Variants in PLXNC1 observed in about 807,000 individuals in gnomAD.
PLXNC1 encodes plexin C1.
PLXNC1 carries 75 observed loss-of-function variants against 178.2 expected under a neutral mutation model. That is an observed-to-expected ratio of 0.42 (90% CI 0.35 to 0.51). The LOEUF (loss-of-function observed/expected upper bound fraction) is 0.51, where lower values mean the gene tolerates loss of function less well. Among genes scored for constraint, PLXNC1 ranks in the 20% least tolerant of loss-of-function variants. The pLI, the probability that PLXNC1 is intolerant of heterozygous loss-of-function variation, is 0.02. For synonymous variants in PLXNC1, 790 were observed against 779.9 expected, an observed-to-expected ratio of 1.01 and a Z score of -0.22; for missense variants, 1,503 against 1,984.4, an observed-to-expected ratio of 0.76 and a Z score of 4.61.
chr12:94,233,200 G>A (rs117249712), intron 9 of PLXNC1, among the ~76,000 whole-genome samples: 3,932 of 152,258 alleles, frequency 0.026, 85 homozygotes, highest in Non-Finnish European at 0.026. Flanking sequence ...ACCCAGACAC[G>A]GCTGGGCATC....
chr12:94,298,744 A>G lies in PLXNC1; in HGVS notation c.4187A>G (p.Glu1396Gly). The G allele has an allele frequency of 6.2e-7, 1 of 1,613,444 alleles. No homozygotes were observed. The highest frequency in any genetic ancestry group is 8.5e-7 in the Non-Finnish European group (1 of 1,179,852). ...TTTGACTTTTTGGACGCCCAGGCTG[A>G]AAACAAAAAAATCACAGATCCTGAC... The part of the protein sequence containing the change: ...YFFDFLDAQA[E>G]NKKITDPDVV... Residue 1396 changes from glutamate to glycine, a missense_variant, in exon 27 of 31, where the codon GAA becomes GGA. This residue lies in a region of PLXNC1 where 639 missense variants were observed against 979.7 expected (regional missense o/e 0.65). Transcript: ENST00000258526.
At chr12:94,263,401 C>T (rs1431866991) in intron 20 of PLXNC1, among the ~76,000 whole-genome samples, 1 of 152,084 alleles carries the variant, frequency 6.6e-6, no homozygotes, top group East Asian at 1.9e-4. Context: ...TTACTTAGCT[C>T]AGTCTAGCTA....
At chr12:94,266,363 C>G (rs1411036693) in intron 21 of PLXNC1, among the ~76,000 whole-genome samples, 1 of 152,180 alleles carries the variant, frequency 6.6e-6, no homozygotes, top group Non-Finnish European at 1.5e-5. Context: ...GTCAACACTT[C>G]TCAGCGTTCT....
rs1191812745 is a variant in PLXNC1 at position 94,179,410 on chromosome 12, A to G, written c.1204-2036A>G. ...GTAGTGGGTACAAATTGTGTTAGGTACAAAGAAGATTAAAGGTTAGGTACA... is the reference window on the plus strand; with the variant it reads ...GTAGTGGGTACAAATTGTGTTAGGTGCAAAGAAGATTAAAGGTTAGGTACA... On this transcript the variant is annotated intron_variant, in intron 2 of 30. Transcript: ENST00000258526. Among the ~76,000 whole-genome samples, 3 of 152,182 alleles carry G rather than the reference A, an allele frequency of 2.0e-5. No homozygotes were observed. In the East Asian group the frequency reaches 5.8e-4, roughly 29 times the overall value.
chr12:94,260,326 G>A lies in PLXNC1; in HGVS notation c.3252-316G>A, dbSNP rs1226358201. ...GCCTGCTTTAGACTCCTAAAGTGCT[G>A]GGATTATAGGCGTGAACCACCATGC... On this transcript the variant is annotated intron_variant, in intron 19 of 30. Transcript: ENST00000258526. This position sits in a 1 kb window ranked among gnomAD's most constrained non-coding sequence, Gnocchi z 4.4. 6.6e-6 allele frequency among the ~76,000 whole-genome samples: 1 copy of A among 152,004 alleles called. No individual in the cohort carries two copies. The highest frequency in any genetic ancestry group is 1.5e-5 in the Non-Finnish European group (1 of 68,008).
intron 20 of PLXNC1, among the ~76,000 whole-genome samples, chr12:94,264,676 TGTC>T (rs1235631890): frequency 6.6e-6 from 1 of 152,260 alleles, no homozygotes; most frequent in Non-Finnish European, 1.5e-5. Context: ...TTTTTTTAAA[TGTC>T]GTTTATTTCT....
intron 1 of PLXNC1, among the ~76,000 whole-genome samples, chr12:94,164,575 G>A (rs1961520095): frequency 6.6e-6 from 1 of 152,104 alleles, no homozygotes; most frequent in African/African-American, 2.4e-5. Flanking sequence ...GGCACAATGG[G>A]AGAGTATTTA....
intron 4 of PLXNC1, among the ~76,000 whole-genome samples, chr12:94,189,078 T>C (rs977187338): frequency 1.3e-5 from 2 of 152,220 alleles, no homozygotes; most frequent in African/African-American, 4.8e-5. Context: ...TTGATGGTCC[T>C]GTGTTTGAAG....
At chr12:94,286,353 T>C (rs956546871) in intron 23 of PLXNC1, among the ~76,000 whole-genome samples, 1 of 152,156 alleles carries the variant, frequency 6.6e-6, no homozygotes, top group Non-Finnish European at 1.5e-5. Context: ...TCAAAAGCCC[T>C]GTTTTTTAAA....
At position 94,159,191 on chromosome 12, in the gene PLXNC1, A is replaced by G. The variant is rs542579558; in HGVS notation, c.1062+9158A>G. 1.0e-3 allele frequency among the ~76,000 whole-genome samples: 159 copies of G among 152,368 alleles called. 4 individuals carry two copies. The South Asian group carries it at 0.027, about 26-fold the overall frequency. On this transcript the variant is annotated intron_variant, in intron 1 of 30. Coordinates refer to ENST00000258526, the MANE Select transcript of PLXNC1 (RefSeq NM_005761.3). ...TTGGCAAATTAATAGTTACTTTTAC[A>G]TTAAGATGATAGCTAAAATTTACAG...
At chr12:94,275,909 A>C (rs968747634) in intron 21 of PLXNC1, among the ~76,000 whole-genome samples, 33 of 149,000 alleles carry the variant, frequency 2.2e-4, no homozygotes, top group African/African-American at 7.1e-4. Context: ...ACTAAGTGTT[A>C]GCAGCATGAA....
At chr12:94,172,969 G>A (rs1279210191) in intron 2 of PLXNC1, among the ~76,000 whole-genome samples, 1 of 152,084 alleles carries the variant, frequency 6.6e-6, no homozygotes, top group Non-Finnish European at 1.5e-5. Context: ...AGAGCTCAAA[G>A]GGTCCTTTGA....
chr12:94,185,703 G>A (rs925166355), intron 3 of PLXNC1, among the ~76,000 whole-genome samples: 2 of 152,226 alleles, frequency 1.3e-5, no homozygotes, highest in African/African-American at 2.4e-5. Context: ...AGGTGACGGC[G>A]CTGCCCCTGG....
At position 94,290,629 on chromosome 12, in the gene PLXNC1, C is replaced by T. The variant is rs543059966; in HGVS notation, c.3880-3857C>T. Among the ~76,000 whole-genome samples, 3 of 152,356 alleles carry T rather than the reference C, an allele frequency of 2.0e-5. No individual in the cohort carries two copies. The South Asian group carries it at 6.2e-4, about 32-fold the overall frequency. ...AGGACCTCTTGAGGGCTGGCTCTTGCTCTGTGTTCCTCCCTGTGGGTGTAA... is the reference window on the plus strand; with the variant it reads ...AGGACCTCTTGAGGGCTGGCTCTTGTTCTGTGTTCCTCCCTGTGGGTGTAA... On this transcript the variant is annotated intron_variant, in intron 23 of 30. Transcript: ENST00000258526.
At chr12:94,274,323 A>G in intron 21 of PLXNC1, among the ~76,000 whole-genome samples, 1 of 151,954 alleles carries the variant, frequency 6.6e-6, no homozygotes, top group East Asian at 1.9e-4. Flanking sequence ...ACAGAGTGAG[A>G]CCCTGTCTAT....
rs371143671 is a variant in PLXNC1 at position 94,220,028 on chromosome 12, A to G, written c.1567A>G (p.Met523Val). 84 of 1,613,696 alleles carry G rather than the reference A, an allele frequency of 5.2e-5. 1 individual carries two copies. Among genetic ancestry groups the G allele is most frequent in the Middle Eastern group, 1.6e-4 (1 of 6,082 alleles). Reference protein sequence around the residue: ...RSSKEKTTVTMVGSFSPRHSK... With the variant: ...RSSKEKTTVTVVGSFSPRHSK... ...CTTCCCCGCACAGACTACAGTGACT[A>G]TGGTGGGAAGCTTCTCTCCAAGACA... Residue 523 changes from methionine to valine, a missense_variant, in exon 6 of 31, where the codon ATG (methionine) becomes GTG (valine). By Grantham distance (21) the Met-to-Val change is conservative. Coordinates refer to ENST00000258526, the MANE Select transcript of PLXNC1 (RefSeq NM_005761.3).
chr12:94,235,707 A>G (rs1964221562), intron 9 of PLXNC1, among the ~76,000 whole-genome samples: 1 of 152,228 alleles, frequency 6.6e-6, no homozygotes. Flanking sequence ...GCAGTGCAAC[A>G]GCAGCCAGAG....
intron 12 of PLXNC1, among the ~76,000 whole-genome samples, chr12:94,246,004 G>A (rs1964518741): frequency 6.6e-6 from 1 of 152,222 alleles, no homozygotes; most frequent in African/African-American, 2.4e-5. Context: ...TGGGAAAAGA[G>A]ACTATGCAGA....
chr12:94,251,852 C>T (rs981292272), intron 15 of PLXNC1, among the ~76,000 whole-genome samples: 1 of 152,042 alleles, frequency 6.6e-6, no homozygotes, highest in African/African-American at 2.4e-5. Context: ...ATTAGCCGGG[C>T]GTGATGGCAG....
Sources: allele counts gnomAD v4.1 joint callset (sites outside exome capture counted in the v4.1 genomes callset), GRCh38; gene constraint gnomAD v4.1.1; regional missense constraint gnomAD v4.1.1; non-coding constraint Gnocchi (gnomAD v3.1); transcripts MANE v1.5; gene names NCBI Gene and HGNC (gene_info 2026-07-23, HGNC 2026-07-21).